The following ATP2B2 variants were observed in gnomAD, a reference collection of about 807,000 sequenced individuals.
ATP2B2 encodes the protein plasma membrane calcium-transporting ATPase 2.
In ATP2B2, 15 loss-of-function variants were observed where a neutral mutation model predicts 120.0. The ratio of observed to expected loss-of-function variants is 0.12; its 90% CI spans 0.08 to 0.19. ATP2B2 has a LOEUF of 0.19. Among genes scored for constraint, ATP2B2 ranks in the 10% least tolerant of loss-of-function variants. ATP2B2 has a pLI of 1.00. For missense variants in ATP2B2, 1,045 were observed against 1,719.8 expected (o/e 0.61, Z 6.94); for synonymous variants, 694 against 700.3 (o/e 0.99, Z 0.14).
intron 8 of ATP2B2, among the ~76,000 whole-genome samples, chr3:10,380,388 T>C (rs2125543930): frequency 6.6e-6 from 1 of 152,350 alleles, no homozygotes; most frequent in South Asian, 2.1e-4. Flanking sequence ...CACCCTTGGA[T>C]GATGGCTGCA....
chr3:10,451,713 T>C (rs755892877), intron 1 of ATP2B2, among the ~76,000 whole-genome samples: 4 of 152,202 alleles, frequency 2.6e-5, no homozygotes, highest in Non-Finnish European at 4.4e-5. Context: ...CCAAAGAAAC[T>C]GCACGCTTGG....
rs114489848 is a variant in ATP2B2, at chr3:10,327,233, A to G, written c.*1581T>C. ...AGTGCTGTTGTCTTGGGGAAAAAAT[A>G]ACCACCTTTTCTCACCTGTGATACT... On this transcript the variant is annotated 3_prime_UTR_variant, in exon 23 of 23. Coordinates refer to ENST00000360273, the MANE Select transcript of ATP2B2 (RefSeq NM_001001331.4). 42 of 166,324 alleles carry G rather than the reference A, an allele frequency of 2.5e-4. No homozygotes were observed. The highest frequency in any genetic ancestry group is 9.5e-4 in the African/African-American group (40 of 42,216). The allele number at this position is 166,324 out of a possible 1,614,324, so 10.3% of individuals were successfully genotyped here.
rs142011718 is a variant in ATP2B2 at position 10,677,809 on chromosome 3, G to GT, written c.-460+30105dup. On this transcript the variant is annotated intron_variant, in intron 1 of 21. Transcript: ENST00000646379. The stretch of plus-strand genomic sequence containing the variant: ...AAGGTAATATATGAAATAGGATCCT[G>GT]TTTTTTATCAAAGCAACATTCATGA... Among the ~76,000 whole-genome samples the GT allele has an allele frequency of 7.5e-3, 1,140 of 152,318 alleles. 4 individuals carry two copies. The highest frequency in any genetic ancestry group is 0.017 in the Admixed American group (257 of 15,298).
At chr3:10,599,588 C>T (rs533292635) in intron 2 of ATP2B2, among the ~76,000 whole-genome samples, 1 of 152,246 alleles carries the variant, frequency 6.6e-6, no homozygotes, top group East Asian at 1.9e-4. Context: ...GACAGGGGCT[C>T]AGGGAACCTC....
Position 10,546,516 on chromosome 3 carries a change from C to G in ATP2B2, c.-414-12383G>C, listed in dbSNP as rs148129537. ...GCCCCAGCTGCCAACCTCTCCACCC[C>G]GCTGGGGCCACTCAGCCCCTACATG... On this transcript the variant is annotated intron_variant, in intron 2 of 21. Transcript: ENST00000646379. Among the ~76,000 whole-genome samples the G allele has an allele frequency of 4.6e-3, 705 of 152,336 alleles. 7 individuals carry two copies. Among genetic ancestry groups the G allele is most frequent in the African/African-American group, 0.016 (672 of 41,574 alleles).
At chr3:10,648,394 C>G (rs187571443) in intron 1 of ATP2B2, among the ~76,000 whole-genome samples, 1 of 152,234 alleles carries the variant, frequency 6.6e-6, no homozygotes, top group African/African-American at 2.4e-5. Context: ...AAACACCTTT[C>G]TCCTCCCAGC....
rs747853835 is a variant in ATP2B2 at position 10,530,731 on chromosome 3, C to T, written c.-320+3308G>A. ...GCCAATTTCCACCTTTTACAAAGGG[C>T]TCCCATCCCCCAGCAAGGCCCCTCA... On this transcript the variant is annotated intron_variant, in intron 3 of 21. Transcript: ENST00000646379. Among the ~76,000 whole-genome samples the T allele has an allele frequency of 1.1e-3, 165 of 152,194 alleles. 1 individual carries two copies. The highest frequency in any genetic ancestry group is 1.1e-3 in the Non-Finnish European group (74 of 68,032).
chr3:10,403,382 C>T (rs891169373), intron 3 of ATP2B2, among the ~76,000 whole-genome samples: 3 of 152,218 alleles, frequency 2.0e-5, no homozygotes, highest in African/African-American at 7.2e-5. Flanking sequence ...CAAAAACTCT[C>T]GAGGTCTGCC....
chr3:10,370,505 G>T (rs2061196176), intron 12 of ATP2B2, among the ~76,000 whole-genome samples: 1 of 152,206 alleles, frequency 6.6e-6, no homozygotes, highest in African/African-American at 2.4e-5. Context: ...TGTCTGCATG[G>T]GTCCTCTGAC....
intron 1 of ATP2B2, among the ~76,000 whole-genome samples, chr3:10,683,913 C>G (rs753336819): frequency 1.3e-5 from 2 of 151,098 alleles, no homozygotes; most frequent in Non-Finnish European, 3.0e-5. Flanking sequence ...CTTCCTGCCT[C>G]AGCCTCCCAA....
intron 1 of ATP2B2, among the ~76,000 whole-genome samples, chr3:10,486,496 G>T (rs1396525074): frequency 6.6e-6 from 1 of 151,948 alleles, no homozygotes; most frequent in Non-Finnish European, 1.5e-5. Flanking sequence ...ACATTTTGCT[G>T]CAGTCACAAC....
intron 5 of ATP2B2, among the ~76,000 whole-genome samples, chr3:10,400,561 C>T (rs561084805): frequency 3.7e-5 from 5 of 135,916 alleles, no homozygotes; most frequent in Admixed American, 7.2e-5. Context: ...CTCACTGCTG[C>T]AGCCTTAGTG....
At chr3:10,471,603 G>A (rs911584433) in intron 1 of ATP2B2, among the ~76,000 whole-genome samples, 1 of 151,694 alleles carries the variant, frequency 6.6e-6, no homozygotes, top group South Asian at 2.1e-4. Context: ...AAGAGGGAGA[G>A]GGGAGAGAAA....
intron 1 of ATP2B2, among the ~76,000 whole-genome samples, chr3:10,464,247 G>A (rs897145068): frequency 6.6e-6 from 1 of 152,104 alleles, no homozygotes; most frequent in African/African-American, 2.4e-5. Context: ...GAGTCCTCGC[G>A]ACAGAAGGGG....
At chr3:10,575,290 A>G (rs2068219362) in intron 2 of ATP2B2, among the ~76,000 whole-genome samples, 1 of 152,180 alleles carries the variant, frequency 6.6e-6, no homozygotes, top group South Asian at 2.1e-4. Context: ...TGAGGGCCCT[A>G]TATGTCTGTA....
intron 2 of ATP2B2, among the ~76,000 whole-genome samples, chr3:10,424,574 C>T (rs1324846198): frequency 6.6e-6 from 1 of 152,142 alleles, no homozygotes; most frequent in African/African-American, 2.4e-5. Flanking sequence ...AAATAAAAAT[C>T]TTATATTTCA....
intron 1 of ATP2B2, among the ~76,000 whole-genome samples, chr3:10,503,624 G>A (rs893913555): frequency 1.3e-5 from 2 of 152,264 alleles, no homozygotes; most frequent in Admixed American, 1.3e-4. Flanking sequence ...CCGCAGAGGT[G>A]CTGCATCTGT....
At chr3:10,545,402 G>A (rs1327586108) in intron 2 of ATP2B2, among the ~76,000 whole-genome samples, 1 of 152,108 alleles carries the variant, frequency 6.6e-6, no homozygotes, top group African/African-American at 2.4e-5. Flanking sequence ...GATGGTGGGT[G>A]CCTGTAATCC....
intron 2 of ATP2B2, among the ~76,000 whole-genome samples, chr3:10,439,908 C>T (rs567515465): frequency 1.3e-5 from 2 of 151,432 alleles, no homozygotes; most frequent in Admixed American, 6.6e-5. Flanking sequence ...GCGTGTACCA[C>T]CACACCCGGC....
Sources: gnomAD v4.1 joint callset for allele counts (sites outside exome capture counted in the v4.1 genomes callset) on GRCh38, gnomAD v4.1.1 for gene constraint, MANE v1.5 for transcripts, NCBI Gene and HGNC (gene_info 2026-07-23, HGNC 2026-07-21) for gene names.